Variants in RADIL observed in about 807,000 individuals in gnomAD.
The protein encoded by RADIL is Rap associating with DIL domain, also known as ras-associating and dilute domain-containing protein.
RADIL carries 99 observed loss-of-function variants against 97.6 expected under a neutral mutation model. That is an observed-to-expected ratio of 1.01 (90% CI 0.86 to 1.20). The LOEUF is 1.20. Among genes scored for constraint, RADIL ranks in the 50% most tolerant of loss-of-function variants. The probability of loss-of-function intolerance (pLI) is 0.00; values close to 1 mark genes in which losing one functional copy is unlikely to be tolerated. For missense variants in RADIL, 1,765 were observed against 1,498.9 expected (o/e 1.18, Z -2.93); for synonymous variants, 803 against 691.8 (o/e 1.16, Z -2.52).
In RADIL at chr7:4,845,947, G is replaced by A. The variant is rs543048016; in HGVS notation, c.536-9342C>T. On this transcript the variant is annotated intron_variant, in intron 2 of 14. Coordinates refer to ENST00000399583, the MANE Select transcript of RADIL (RefSeq NM_018059.5). Reference sequence around the variant, plus strand: ...ACCAGGGGCTGTAGCCAGTTACCCCGGGAAGCTGTGAGCCCTTCGTTAGAG... The same window carrying A: ...ACCAGGGGCTGTAGCCAGTTACCCCAGGAAGCTGTGAGCCCTTCGTTAGAG... 2.3e-3 allele frequency among the ~76,000 whole-genome samples: 345 copies of A among 152,110 alleles called. 1 individual carries two copies. Among genetic ancestry groups the A allele is most frequent in the Admixed American group, 3.7e-3 (56 of 15,274 alleles).
At chr7:4,866,707 GT>G (rs1476300785) in intron 2 of RADIL, among the ~76,000 whole-genome samples, 2 of 152,340 alleles carry the variant, frequency 1.3e-5, no homozygotes, top group East Asian at 3.9e-4. Flanking sequence ...TCCTGGGTCA[GT>G]GAGGGGTGAG....
At position 4,803,665 on chromosome 7, in the gene RADIL, C is replaced by A; in HGVS notation, c.2380G>T (p.Asp794Tyr). 2 of 1,553,052 alleles carry A rather than the reference C, an allele frequency of 1.3e-6. No individual in the cohort carries two copies. The highest frequency in any genetic ancestry group is 1.7e-6 in the Non-Finnish European group (2 of 1,148,706). ...TAGAGCAGGTGCTGGTAGATGCTGT[C>A]GTCCAGGCAGTTGGCTTCCAAGTCC... Reference protein sequence around the residue: ...QVDLEANCLDDSIYQHLLYVR... With the variant: ...QVDLEANCLDYSIYQHLLYVR... Residue 794 changes from aspartate to tyrosine, a missense_variant, in exon 11 of 15, where the codon GAC becomes TAC. Physicochemically the swap from Asp to Tyr is radical, Grantham distance 160. Transcript: ENST00000399583.
At chr7:4,851,395 TAAAGAC>T (rs1461897538) in intron 2 of RADIL, among the ~76,000 whole-genome samples, 1 of 152,044 alleles carries the variant, frequency 6.6e-6, no homozygotes, top group Admixed American at 6.6e-5. Context: ...ATGTGCACAG[TAAAGAC>T]ATTGCTTCTT....
intron 2 of RADIL, among the ~76,000 whole-genome samples, chr7:4,869,831 C>T (rs543340623): frequency 2.6e-5 from 4 of 152,236 alleles, no homozygotes; most frequent in East Asian, 1.9e-4. Context: ...CTGACTCTTT[C>T]GCAAAGATGG....
Position 4,817,223 on chromosome 7 carries a change from G to A in RADIL, c.1728+16C>T, listed in dbSNP as rs553095543. 1 of 1,600,978 alleles carries A rather than the reference G, an allele frequency of 6.2e-7. No homozygotes were observed. The highest frequency in any genetic ancestry group is 1.3e-5 in the African/African-American group (1 of 74,738). On this transcript the variant is annotated intron_variant, in intron 7 of 14. Transcript: ENST00000399583. This position sits in a 1 kb window ranked among gnomAD's most constrained non-coding sequence, Gnocchi z 8.3. ...CAGGAGCTGCCTGAGTGCAGAAGCA[G>A]AGCCCGTCCGTGCACCTTGGAGACA...
chr7:4,874,331 G>T (rs1461888184), intron 2 of RADIL, among the ~76,000 whole-genome samples: 1 of 152,272 alleles, frequency 6.6e-6, no homozygotes, highest in Non-Finnish European at 1.5e-5. Flanking sequence ...TAAGGTCTGT[G>T]CGGGGTCATC....
In RADIL at chr7:4,849,785, CG is replaced by C. The variant is rs1783663787; in HGVS notation, c.536-13181del. Among the ~76,000 whole-genome samples, 1 of 152,122 alleles carries C rather than the reference CG, an allele frequency of 6.6e-6. No homozygotes were observed. The highest frequency in any genetic ancestry group is 1.5e-5 in the Non-Finnish European group (1 of 68,030). On this transcript the variant is annotated intron_variant, in intron 2 of 14. Transcript: ENST00000399583. The surrounding 1 kb of genome is among the most constrained non-coding windows in gnomAD (Gnocchi z 5.4). ...CATTTCACTCCTGCATACCTTTCTG[CG>C]TACGCACAAAACGAACACAGATCAC...
rs1583314125 is a variant in RADIL, at chr7:4,859,803, G to A, written c.535+17802C>T. 1.5e-5 allele frequency: 11 copies of A among 735,020 alleles called. No individual in the cohort carries two copies. In the East Asian group the frequency reaches 2.9e-4, roughly 19 times the overall value. 45.5% of individuals were successfully genotyped at this position (735,020 alleles called of 1,614,324 possible). A position where few individuals can be genotyped will look rare whatever the true frequency, so the allele number is the denominator to read the frequency against. On this transcript the variant is annotated intron_variant, in intron 2 of 14. Transcript: ENST00000399583. ...ATGCTGTCTGAATTTTTCTAATGGA[G>A]TTGTACTTGTCTTTGTATTGAGTTT...
Position 4,834,763 on chromosome 7 carries a change from CCT to C in RADIL, c.1258_1259del (p.Arg420AspfsTer78). The part of the protein sequence containing the change: ...EPHLEDTLLQ[R>X]IMTLIEPGGD... ...CCCCCGGCTCGATCAACGTCATGAT[CCT>C]CTGCAGCAGCGTGTCCTCCAGGTGG... On this transcript the variant is annotated frameshift_variant, in exon 4 of 15. Transcript: ENST00000399583. LOFTEE classifies it high-confidence loss of function. This position sits in a 1 kb window ranked among gnomAD's most constrained non-coding sequence, Gnocchi z 6.0. The C allele has an allele frequency of 7.1e-7, 1 of 1,400,752 alleles. No homozygotes were observed. Among genetic ancestry groups the C allele is most frequent in the Non-Finnish European group, 9.3e-7 (1 of 1,070,544 alleles). The allele number at this position is 1,400,752 out of a possible 1,614,324, so 86.8% of individuals were successfully genotyped here.
At chr7:4,825,122 G>A (rs1341334417) in intron 5 of RADIL, among the ~76,000 whole-genome samples, 1 of 152,212 alleles carries the variant, frequency 6.6e-6, no homozygotes. Context: ...AGGGCAGAGG[G>A]GAAGGGCACT....
In RADIL at chr7:4,835,700, G is replaced by C. The variant is rs1783278919; in HGVS notation, c.784-461C>G. ...AGATGCCACCTAAAACCTGGGCACA[G>C]GAGCCCTATGGCTGTAAAGTGCTCA... On this transcript the variant is annotated intron_variant, in intron 3 of 14. Coordinates refer to ENST00000399583, the MANE Select transcript of RADIL (RefSeq NM_018059.5). This position sits in a 1 kb window ranked among gnomAD's most constrained non-coding sequence, Gnocchi z 5.8. Among the ~76,000 whole-genome samples, 1 of 152,196 alleles carries C rather than the reference G, an allele frequency of 6.6e-6. No homozygotes were observed. The highest frequency in any genetic ancestry group is 6.5e-5 in the Admixed American group (1 of 15,272).
rs1016497068 is a variant in RADIL, at chr7:4,813,750, G to A, written c.2139+1528C>T. Among the ~76,000 whole-genome samples, 4 of 152,278 alleles carry A rather than the reference G, an allele frequency of 2.6e-5. No individual in the cohort carries two copies. Among genetic ancestry groups the A allele is most frequent in the East Asian group, 1.9e-4 (1 of 5,186 alleles). Reference sequence around the variant, plus strand: ...AACAGATGACTTTGTGTTTCTTTCCGGCTGTGCGGGCTGTCCTCAGTGGAA... The same window carrying A: ...AACAGATGACTTTGTGTTTCTTTCCAGCTGTGCGGGCTGTCCTCAGTGGAA... On this transcript the variant is annotated intron_variant, in intron 9 of 14. Transcript: ENST00000399583. The surrounding 1 kb of genome is among the most constrained non-coding windows in gnomAD (Gnocchi z 5.0).
At chr7:4,801,197 C>T (rs1304343003) in intron 12 of RADIL, among the ~76,000 whole-genome samples, 1 of 152,134 alleles carries the variant, frequency 6.6e-6, no homozygotes, top group Non-Finnish European at 1.5e-5. Flanking sequence ...CACACCCATG[C>T]ACACACGCAC....
rs774189148 is a variant in RADIL, at chr7:4,878,199, G to A, written c.-60C>T. ...TTCAGCCAAAGGATGTGGGGAGGCC[G>A]TGACCTGGGTGAAAAAGTGAGAGAG... On this transcript the variant is annotated 5_prime_UTR_variant, in exon 2 of 15. It adds an upstream start codon to the 5' untranslated region. Transcript: ENST00000399583. This position sits in a 1 kb window ranked among gnomAD's most constrained non-coding sequence, Gnocchi z 4.1. The A allele has an allele frequency of 3.6e-5, 52 of 1,439,502 alleles. No homozygotes were observed. The highest frequency in any genetic ancestry group is 5.0e-5 in the Admixed American group (2 of 39,740). 89.2% of individuals were successfully genotyped at this position (1,439,502 alleles called of 1,614,324 possible). A position where few individuals can be genotyped will look rare whatever the true frequency, so the allele number is the denominator to read the frequency against.
chr7:4,823,361 G>A (rs1173237452), intron 5 of RADIL, among the ~76,000 whole-genome samples: 1 of 148,476 alleles, frequency 6.7e-6, no homozygotes, highest in African/African-American at 2.5e-5. Flanking sequence ...TTAGAGACAG[G>A]GTCTTGCTAT....
intron 2 of RADIL, chr7:4,860,892 G>T (rs771343936): frequency 6.2e-7 from 1 of 1,614,172 alleles, no homozygotes; most frequent in Non-Finnish European, 8.5e-7. Flanking sequence ...CTATCACTGG[G>T]ATTTACTCTT....
chr7:4,862,007 C>T, intron 2 of RADIL: 1 of 435,156 alleles, frequency 2.3e-6, no homozygotes, highest in Non-Finnish European at 4.1e-6. Flanking sequence ...CGCCAGACCC[C>T]TCAGCGGCTG....
chr7:4,816,514 G>T (rs1400131889), intron 7 of RADIL, 49 bp from the exon 8 acceptor site: 1 of 1,511,088 alleles, frequency 6.6e-7, no homozygotes. Flanking sequence ...AGGAGCGCTG[G>T]CGGCCGAACG....
In RADIL at chr7:4,809,253, A is replaced by C. The variant is rs978178209; in HGVS notation, c.2140-3537T>G. The stretch of plus-strand genomic sequence containing the variant: ...GCAGGGGCGCTCGGGCCTGGCCGCC[A>C]AGCTGGGCGAGAGGCCGGGGCCCCC... On this transcript the variant is annotated intron_variant, in intron 9 of 14. Transcript: ENST00000399583. 4.1e-6 allele frequency: 4 copies of C among 985,120 alleles called. No homozygotes were observed. In the African/African-American group the frequency reaches 7.0e-5, roughly 17 times the overall value. 61.0% of individuals were successfully genotyped at this position (985,120 alleles called of 1,614,324 possible).
Sources: gnomAD v4.1 joint callset for allele counts (sites outside exome capture counted in the v4.1 genomes callset) on GRCh38, gnomAD v4.1.1 for gene constraint, Gnocchi (gnomAD v3.1) non-coding constraint, MANE v1.5 for transcripts, NCBI Gene and HGNC (gene_info 2026-07-23, HGNC 2026-07-21) for gene names.